The following SMIM14 variants were observed in gnomAD, a reference collection of about 807,000 sequenced individuals.
SMIM14 encodes chromosome 4 open reading frame 34.
Under a neutral mutation model 12.6 loss-of-function variants are expected in SMIM14, and 5 were observed. The observed-to-expected ratio is 0.40, with a 90% CI of 0.21 to 0.83. The LOEUF (loss-of-function observed/expected upper bound fraction) is 0.83, where lower values mean the gene tolerates loss of function less well. SMIM14 is among the 40% of genes least tolerant of loss of function. SMIM14 has a pLI of 0.37. For missense variants in SMIM14, 86 were observed against 119.1 expected, an observed-to-expected ratio of 0.72 and a Z score of 1.29; for synonymous variants, 30 against 40.1, an observed-to-expected ratio of 0.75 and a Z score of 0.95.
chr4:39,556,409 T>TA lies in SMIM14; in HGVS notation c.267+18dup. On this transcript the variant is annotated intron_variant, in intron 4 of 4. Coordinates refer to ENST00000295958, the MANE Select transcript of SMIM14 (RefSeq NM_174921.3). ...TACATTCCCTTACCCAAAAAGCATT[T>TA]AAAATCTGCAACACTTACATTATGA... The TA allele has an allele frequency of 1.2e-6, 2 of 1,603,254 alleles. No individual in the cohort carries two copies. The highest frequency in any genetic ancestry group is 2.3e-5 in the South Asian group (2 of 88,532).
chr4:39,603,655 G>A (rs1339859040), intron 2 of SMIM14, among the ~76,000 whole-genome samples: 1 of 152,088 alleles, frequency 6.6e-6, no homozygotes, highest in Non-Finnish European at 1.5e-5. Context: ...GACTCAATGA[G>A]ACTATTCAAA....
At chr4:39,602,927 G>T (rs1190349838) in intron 2 of SMIM14, among the ~76,000 whole-genome samples, 1 of 152,064 alleles carries the variant, frequency 6.6e-6, no homozygotes, top group Non-Finnish European at 1.5e-5. Context: ...ATGTTTGTAC[G>T]TACCTTTATT....
intron 3 of SMIM14, among the ~76,000 whole-genome samples, chr4:39,563,600 G>A (rs1168916778): frequency 6.6e-6 from 1 of 152,098 alleles, no homozygotes; most frequent in East Asian, 1.9e-4. Flanking sequence ...GTCTTCCTGG[G>A]GTACTCGTTA....
At chr4:39,575,406 G>A (rs190335377) in intron 2 of SMIM14, among the ~76,000 whole-genome samples, 97 of 152,124 alleles carry the variant, frequency 6.4e-4, no homozygotes, top group African/African-American at 2.2e-3. Flanking sequence ...ATGTTGCCCA[G>A]GCTGGTCTCG....
chr4:39,580,060 A>G (rs908544205), intron 2 of SMIM14, among the ~76,000 whole-genome samples: 1 of 152,180 alleles, frequency 6.6e-6, no homozygotes, highest in African/African-American at 2.4e-5. Context: ...ATTCTTTAAC[A>G]TCTGCTCAAG....
chr4:39,601,341 T>A (rs1354181242), intron 2 of SMIM14, among the ~76,000 whole-genome samples: 1 of 152,152 alleles, frequency 6.6e-6, no homozygotes, highest in East Asian at 1.9e-4. Context: ...TTACATTACA[T>A]GAGGTCAACA....
chr4:39,556,363 C>G, intron 4 of SMIM14, 65 bp downstream of exon 4: 1 of 1,491,394 alleles, frequency 6.7e-7, no homozygotes, highest in Non-Finnish European at 9.0e-7. Flanking sequence ...AAAACCAAGT[C>G]CTTCCCTGCC....
intron 3 of SMIM14, among the ~76,000 whole-genome samples, chr4:39,564,911 G>C (rs569086977): frequency 6.6e-6 from 1 of 152,158 alleles, no homozygotes; most frequent in African/African-American, 2.4e-5. Flanking sequence ...TAGTGAGGTG[G>C]GATATAAGAA....
chr4:39,632,775 T>TCACACACACACA (rs369057968), intron 1 of SMIM14, among the ~76,000 whole-genome samples: 4 of 115,016 alleles, frequency 3.5e-5, no homozygotes, highest in East Asian at 5.4e-4. Flanking sequence ...GAGACTCCCG[T>TCACACACACACA]CACACACACA....
chr4:39,582,816 CAG>C (rs901887032), intron 2 of SMIM14, among the ~76,000 whole-genome samples: 2 of 151,848 alleles, frequency 1.3e-5, no homozygotes, highest in East Asian at 3.9e-4. Flanking sequence ...ATTTTTGCAA[CAG>C]AGTCTCGCTC....
rs749810511 is a variant in SMIM14, at chr4:39,547,520, A to G, written c.*4606T>C. 8.5e-5 allele frequency: 13 copies of G among 152,234 alleles called. No homozygotes were observed. Among genetic ancestry groups the G allele is most frequent in the Non-Finnish European group, 8.8e-5 (6 of 68,048 alleles). The allele number at this position is 152,234 out of a possible 1,614,324, so 9.4% of individuals were successfully genotyped here. A position where few individuals can be genotyped will look rare whatever the true frequency, so the allele number is the denominator to read the frequency against. The stretch of plus-strand genomic sequence containing the variant: ...TCTTCACACATGGTAACAAATACCT[A>G]TGATTTTTCATTTAGAAATATTATA... On this transcript the variant is annotated 3_prime_UTR_variant, in exon 5 of 5. Coordinates refer to ENST00000295958, the MANE Select transcript of SMIM14 (RefSeq NM_174921.3).
intron 1 of SMIM14, 44 bp from the exon 2 acceptor site, chr4:39,605,224 T>C: frequency 2.7e-6 from 3 of 1,112,236 alleles, no homozygotes; most frequent in Non-Finnish European, 3.9e-6. Context: ...AATTCAGAAT[T>C]ACTCTTTCTC....
intron 1 of SMIM14, among the ~76,000 whole-genome samples, chr4:39,629,562 C>T (rs1271462267): frequency 6.6e-6 from 1 of 150,710 alleles, no homozygotes; most frequent in Non-Finnish European, 1.5e-5. Flanking sequence ...CCCACCTCAA[C>T]CCCCCAAGCA....
At position 39,587,608 on chromosome 4, in the gene SMIM14, T is replaced by A. The variant is rs141765351; in HGVS notation, c.76-15145A>T. 1.7e-3 allele frequency among the ~76,000 whole-genome samples: 256 copies of A among 151,618 alleles called. 3 individuals carry two copies. The highest frequency in any genetic ancestry group is 5.8e-3 in the African/African-American group (240 of 41,304). ...TCTTCTAGAATCTTGCCACTCCCCA[T>A]TGAGAGGTGAAATCTGGCCAGACTC... is the stretch of plus-strand genomic sequence containing the variant. On this transcript the variant is annotated intron_variant, in intron 2 of 4. Transcript: ENST00000295958.
chr4:39,573,301 T>G (rs1419908279), intron 2 of SMIM14, among the ~76,000 whole-genome samples: 1 of 152,060 alleles, frequency 6.6e-6, no homozygotes, highest in Non-Finnish European at 1.5e-5. Context: ...TTTCACCATG[T>G]TGTCCAGGCT....
intron 1 of SMIM14, among the ~76,000 whole-genome samples, chr4:39,633,991 G>A (rs1454969142): frequency 6.6e-6 from 1 of 152,158 alleles, no homozygotes; most frequent in East Asian, 1.9e-4. Flanking sequence ...GAGTGCAGTG[G>A]CACAATGGCT....
chr4:39,628,057 C>T (rs1357664760), intron 1 of SMIM14, among the ~76,000 whole-genome samples: 1 of 152,066 alleles, frequency 6.6e-6, no homozygotes, highest in African/African-American at 2.4e-5. Flanking sequence ...GCCTATAATC[C>T]CAGCACTTTG....
At chr4:39,605,374 C>T (rs1714767915) in intron 1 of SMIM14, among the ~76,000 whole-genome samples, 194 bp from the exon 2 acceptor site, 1 of 152,058 alleles carries the variant, frequency 6.6e-6, no homozygotes, top group African/African-American at 2.4e-5. Context: ...TTGGCTACCC[C>T]TTCTGCCATC....
intron 2 of SMIM14, among the ~76,000 whole-genome samples, chr4:39,586,350 T>A (rs1713783243): frequency 6.6e-6 from 1 of 152,010 alleles, no homozygotes; most frequent in Non-Finnish European, 1.5e-5. Flanking sequence ...AGTATCCAAC[T>A]TCATCACTCA....
Sources: allele counts gnomAD v4.1 joint callset (sites outside exome capture counted in the v4.1 genomes callset), GRCh38; gene constraint gnomAD v4.1.1; transcripts MANE v1.5; gene names NCBI Gene and HGNC (gene_info 2026-07-23, HGNC 2026-07-21).